The following CUX1 variants were observed in gnomAD, a reference collection of about 807,000 sequenced individuals.
The protein encoded by CUX1 is protein CASP.
In CUX1, 31 loss-of-function variants were observed where a neutral mutation model predicts 158.8. The ratio of observed to expected loss-of-function variants is 0.20; its 90% CI spans 0.15 to 0.26. CUX1 has a LOEUF of 0.26. Among genes scored for constraint, CUX1 ranks in the 10% least tolerant of loss-of-function variants. The pLI is 1.00. For synonymous variants in CUX1, 879 were observed against 862.1 expected, an observed-to-expected ratio of 1.02 and a Z score of -0.34; for missense variants, 1,589 against 2,014.6, an observed-to-expected ratio of 0.79 and a Z score of 4.04.
downstream of CUX1, among the ~76,000 whole-genome samples, chr7:102,260,297 C>G (rs1337869138): frequency 2.7e-5 from 4 of 149,950 alleles, no homozygotes; most frequent in East Asian, 2.0e-4. Context: ...CCATGTTGCC[C>G]AGGCTGGTCT....
At chr7:102,053,464 A>G (rs1823768152) in intron 3 of CUX1, among the ~76,000 whole-genome samples, 1 of 152,028 alleles carries the variant, frequency 6.6e-6, no homozygotes, top group Admixed American at 6.6e-5. Flanking sequence ...TACTTCTTTA[A>G]TTGCTTTTAA....
At chr7:102,242,171 G>A (rs1175306664) in intron 23 of CUX1, among the ~76,000 whole-genome samples, 1 of 151,352 alleles carries the variant, frequency 6.6e-6, no homozygotes, top group Admixed American at 6.6e-5. Flanking sequence ...TCTTTGCCAG[G>A]TGCCATGCTA....
Position 102,202,055 on chromosome 7 carries a change from T to C in CUX1, c.2758T>C (p.Ser920Pro). Reference protein sequence around the residue: ...PLPSSPIVPMSKPTKPSVPPL... With the variant: ...PLPSSPIVPMPKPTKPSVPPL... Reference sequence around the variant, plus strand: ...GCCATCCTCCCCGATCGTGCCCATGTCCAAGCCCACCAAGCCCTCGGTCCC... The same window carrying C: ...GCCATCCTCCCCGATCGTGCCCATGCCCAAGCCCACCAAGCCCTCGGTCCC... The change falls in exon 18 of 24, where the codon TCC becomes CCC. Residue 920 changes from serine to proline, a missense_variant. This residue lies in a region of CUX1 where 337 missense variants were observed against 409.3 expected (regional missense o/e 0.82). Transcript: ENST00000292535. 1 of 1,614,018 alleles carries C rather than the reference T, an allele frequency of 6.2e-7. No homozygotes were observed. Among genetic ancestry groups the C allele is most frequent in the East Asian group, 2.2e-5 (1 of 44,876 alleles).
At chr7:101,839,393 A>G (rs1340139694) in intron 1 of CUX1, among the ~76,000 whole-genome samples, 5 of 152,094 alleles carry the variant, frequency 3.3e-5, no homozygotes, top group African/African-American at 2.4e-5. Flanking sequence ...CCAGCCAGAT[A>G]GTGGTCCTTC....
At chr7:101,939,742 A>C (rs903576470) in intron 2 of CUX1, among the ~76,000 whole-genome samples, 7 of 149,164 alleles carry the variant, frequency 4.7e-5, no homozygotes, top group African/African-American at 1.7e-4. Context: ...CAGGAGGATC[A>C]CTTGAGCCTG....
At chr7:102,239,184 G>A in intron 22 of CUX1, 136 bp from the exon 23 acceptor site, 1 of 1,043,770 alleles carries the variant, frequency 9.6e-7, no homozygotes, top group Non-Finnish European at 1.3e-6. Context: ...ACCATGCCCA[G>A]CCTCATCTTA....
At chr7:102,119,770 C>A (rs570649272) in intron 8 of CUX1, among the ~76,000 whole-genome samples, 16 of 152,202 alleles carry the variant, frequency 1.1e-4, no homozygotes, top group African/African-American at 3.6e-4. Flanking sequence ...TGGTCTCAAA[C>A]TCCTGGCCTC....
At chr7:102,020,767 C>G (rs1188143063) in intron 2 of CUX1, among the ~76,000 whole-genome samples, 1 of 151,948 alleles carries the variant, frequency 6.6e-6, no homozygotes, top group Non-Finnish European at 1.5e-5. Flanking sequence ...GTAATCCCAG[C>G]TACTTGGGAA....
chr7:102,059,529 G>A (rs1013952177), intron 3 of CUX1, among the ~76,000 whole-genome samples: 1 of 151,782 alleles, frequency 6.6e-6, no homozygotes, highest in African/African-American at 2.4e-5. Flanking sequence ...CTACTCGGGA[G>A]GCTAAGGCAG....
At chr7:101,892,299 C>T (rs1450930158) in intron 1 of CUX1, among the ~76,000 whole-genome samples, 1 of 152,238 alleles carries the variant, frequency 6.6e-6, no homozygotes, top group Non-Finnish European at 1.5e-5. Context: ...TAAGATTACA[C>T]AAGCGGCTGT....
chr7:101,927,725 TG>T (rs1805762339), intron 2 of CUX1, among the ~76,000 whole-genome samples: 1 of 152,256 alleles, frequency 6.6e-6, no homozygotes, highest in Non-Finnish European at 1.5e-5. Context: ...TTTGTTTGTT[TG>T]TTTTCTGGGC....
intron 2 of CUX1, among the ~76,000 whole-genome samples, chr7:101,980,054 C>T (rs965871774): frequency 6.6e-6 from 1 of 152,178 alleles, no homozygotes; most frequent in African/African-American, 2.4e-5. Flanking sequence ...GAGAGCGGGG[C>T]CCTACCCTTG....
chr7:102,000,038 G>A (rs1816487803), intron 2 of CUX1, among the ~76,000 whole-genome samples: 1 of 152,228 alleles, frequency 6.6e-6, no homozygotes, highest in East Asian at 1.9e-4. Context: ...CCAACATGGC[G>A]AAACCCCGTC....
In CUX1 at chr7:102,254,692, G is replaced by A. The variant is rs2132684058; in HGVS notation, c.*5650G>A. ...CCTCAGTGCTTCTGTGGTTTCACCT[G>A]GGCATCGACGACATTAGGGAAGCCT... On this transcript the variant is annotated 3_prime_UTR_variant, in exon 24 of 24. Transcript: ENST00000292535. 1 of 985,482 alleles carries A rather than the reference G, an allele frequency of 1.0e-6. No homozygotes were observed. Among genetic ancestry groups the A allele is most frequent in the South Asian group, 4.7e-5 (1 of 21,282 alleles). The allele number at this position is 985,482 out of a possible 1,614,324, so 61.0% of individuals were successfully genotyped here.
intron 1 of CUX1, among the ~76,000 whole-genome samples, chr7:101,836,484 C>T (rs1794644371): frequency 6.6e-6 from 1 of 151,998 alleles, no homozygotes; most frequent in East Asian, 1.9e-4. Context: ...CCCAACCCCA[C>T]CTGCCCTCCT....
chr7:101,821,380 C>G (rs1294678004), intron 1 of CUX1, among the ~76,000 whole-genome samples: 1 of 151,398 alleles, frequency 6.6e-6, no homozygotes, highest in African/African-American at 2.4e-5. Flanking sequence ...GCTCTTTCGC[C>G]CAGGCCGGAG....
intron 2 of CUX1, among the ~76,000 whole-genome samples, chr7:102,013,382 G>C (rs755046722): frequency 6.6e-6 from 1 of 152,196 alleles, no homozygotes; most frequent in Non-Finnish European, 1.5e-5. Context: ...AGCAGCTCCA[G>C]CCAAGAGATA....
At chr7:102,051,862 C>G (rs1823549711) in intron 3 of CUX1, among the ~76,000 whole-genome samples, 2 of 152,078 alleles carry the variant, frequency 1.3e-5, no homozygotes, top group South Asian at 4.1e-4. Flanking sequence ...TTAGTGTATT[C>G]ACCAAGTCAT....
chr7:101,959,112 G>A (rs910752818), intron 2 of CUX1, among the ~76,000 whole-genome samples: 8 of 151,732 alleles, frequency 5.3e-5, no homozygotes, highest in Admixed American at 5.3e-4. Context: ...CGCCCACTTC[G>A]GCCTCCCAAA....
Sources: allele counts gnomAD v4.1 joint callset (sites outside exome capture counted in the v4.1 genomes callset), GRCh38; gene constraint gnomAD v4.1.1; regional missense constraint gnomAD v4.1.1; transcripts MANE v1.5; gene names NCBI Gene and HGNC (gene_info 2026-07-23, HGNC 2026-07-21).